Variants in LAMC2 observed in about 807,000 individuals in gnomAD.
The protein encoded by LAMC2 is laminin subunit gamma-2.
A neutral mutation model predicts 140.2 loss-of-function variants in LAMC2; 97 were observed. The observed-to-expected ratio is 0.69, with a 90% CI of 0.59 to 0.82. The LOEUF is 0.82. Among genes scored for constraint, LAMC2 ranks in the 40% least tolerant of loss-of-function variants. The pLI is 0.00. For missense variants in LAMC2, 1,402 were observed against 1,476.1 expected, an observed-to-expected ratio of 0.95 and a Z score of 0.82; for synonymous variants, 513 against 540.2, an observed-to-expected ratio of 0.95 and a Z score of 0.70.
At chr1:183,242,161 T>C (rs1660149908) in intron 22 of LAMC2, among the ~76,000 whole-genome samples, 1 of 152,224 alleles carries the variant, frequency 6.6e-6, no homozygotes, top group African/African-American at 2.4e-5. Flanking sequence ...TAGTAACTCA[T>C]GCCACCTTCC....
At chr1:183,190,193 C>G (rs779387455) in intron 1 of LAMC2, among the ~76,000 whole-genome samples, 1 of 152,156 alleles carries the variant, frequency 6.6e-6, no homozygotes, top group Non-Finnish European at 1.5e-5. Context: ...ATCGATATGA[C>G]CATTACACAA....
rs751705672 is a variant in LAMC2, at chr1:183,208,085, G to A, written c.268+16G>A. The A allele has an allele frequency of 1.7e-5, 28 of 1,607,460 alleles. No individual in the cohort carries two copies. The highest frequency in any genetic ancestry group is 3.3e-4 in the Middle Eastern group (2 of 6,000). On this transcript the variant is annotated intron_variant, in intron 2 of 22. Transcript: ENST00000264144. ...AACTCCAAAGGTAGCTGAAAAGGAC[G>A]GAAAGAGGGAGAGGGAGATGGAGCA... is the stretch of plus-strand genomic sequence containing the variant.
intron 11 of LAMC2, among the ~76,000 whole-genome samples, chr1:183,229,122 C>T (rs1203464785): frequency 6.6e-6 from 1 of 152,194 alleles, no homozygotes; most frequent in Non-Finnish European, 1.5e-5. Flanking sequence ...TTCAAAGCAG[C>T]AGCTATAGTG....
In LAMC2 at chr1:183,243,324, A is replaced by G. The variant is rs1334436789; in HGVS notation, c.3506A>G (p.Asp1169Gly). 27 of 1,614,192 alleles carry G rather than the reference A, an allele frequency of 1.7e-5. No homozygotes were observed. The East Asian group carries it at 4.0e-4, about 24-fold the overall frequency. Reference sequence around the variant, plus strand: ...ACAAGCATAGATGGGATTCTGGCTGATGTGAAGAACTTGGAGAACATTAGG... The same window carrying G: ...ACAAGCATAGATGGGATTCTGGCTGGTGTGAAGAACTTGGAGAACATTAGG... ...LETSIDGILA[D>G]VKNLENIRDN... The change falls in exon 23 of 23, where the codon GAT becomes GGT. Residue 1169 changes from aspartate to glycine, a missense_variant. By Grantham distance (94) the Asp-to-Gly change is moderately conservative. Transcript: ENST00000264144.
At chr1:183,252,827 C>G in the LAMC2 span, 3 of 974,566 alleles carry the variant, frequency 3.1e-6, no homozygotes, top group Non-Finnish European at 5.0e-6. Context: ...CTCCCCAGCA[C>G]CCCATTTGTA....
At position 183,225,653 on chromosome 1, in the gene LAMC2, C is replaced by T. The variant is rs751285244; in HGVS notation, c.999C>T (p.Tyr333=). ...PSNNWSPQLS[Y]FEYRRLLRNL... is the part of the protein sequence containing the mutation. ...ATAATTGGAGCCCCCAGCTGAGTTA[C>T]TTTGAGTATCGAAGGTTACTGCGGA... The change falls in exon 8 of 23, where the codon TAC becomes TAT. Residue 333 remains tyrosine (Y), a synonymous_variant. Coordinates refer to ENST00000264144, the MANE Select transcript of LAMC2 (RefSeq NM_005562.3). The T allele has an allele frequency of 1.3e-5, 21 of 1,613,960 alleles. No homozygotes were observed. The African/African-American group carries it at 1.9e-4, about 14-fold the overall frequency.
rs761706417 is a variant in LAMC2 at position 183,239,371 on chromosome 1, C to T, written c.2877C>T (p.Asp959=). 2 of 1,614,096 alleles carry T rather than the reference C, an allele frequency of 1.2e-6. No homozygotes were observed. Among genetic ancestry groups the T allele is most frequent in the Non-Finnish European group, 1.7e-6 (2 of 1,179,986 alleles). Residue 959 remains aspartate (D), a synonymous_variant, in exon 20 of 23, where the codon GAC becomes GAT. Transcript: ENST00000264144. ...ESILKNLREF[D]LQVDNRKAEA... ...TTCTTTTCTTCATTTCAGAGTTTGA[C>T]CTGCAGGTGGACAACAGAAAAGCAG...
the LAMC2 span, among the ~76,000 whole-genome samples, chr1:183,253,099 T>C: frequency 6.6e-6 from 1 of 152,062 alleles, no homozygotes; most frequent in Non-Finnish European, 1.5e-5. Context: ...AGACACACAG[T>C]GGGCATCTAA....
chr1:183,245,149 G>T (rs1288025666), downstream of LAMC2, among the ~76,000 whole-genome samples: 1 of 152,062 alleles, frequency 6.6e-6, no homozygotes, highest in Non-Finnish European at 1.5e-5. Context: ...CTAGCTGGGT[G>T]GGGGGGATAT....
intron 15 of LAMC2, 24 bp from the exon 16 acceptor site, chr1:183,235,551 T>C (rs1659927674): frequency 6.2e-7 from 1 of 1,613,936 alleles, no homozygotes; most frequent in South Asian, 1.1e-5. Context: ...AAAACTCTTA[T>C]TCTTTTGTTT....
chr1:183,249,387 G>C (rs1223868815), downstream of LAMC2: 1 of 152,156 alleles, frequency 6.6e-6, no homozygotes, highest in African/African-American at 2.4e-5. Context: ...AAATGGGAGA[G>C]ACATTTTTTG....
the LAMC2 span, chr1:183,252,425 C>T: frequency 3.7e-6 from 2 of 533,740 alleles, no homozygotes; most frequent in Non-Finnish European, 6.8e-6. Context: ...TTCCCTCACC[C>T]ACCCCCAACC....
chr1:183,190,360 C>T (rs376540027), intron 1 of LAMC2, among the ~76,000 whole-genome samples: 13 of 152,206 alleles, frequency 8.5e-5, no homozygotes, highest in African/African-American at 2.9e-4. Flanking sequence ...ACTCTCCTTT[C>T]GTCAGCCCAA....
In LAMC2 at chr1:183,189,689, G is replaced by T. The variant is rs528032781; in HGVS notation, c.79+3258G>T. On this transcript the variant is annotated intron_variant, in intron 1 of 22. Coordinates refer to ENST00000264144, the MANE Select transcript of LAMC2 (RefSeq NM_005562.3). ...GAGGAACGATGGAGCAGAATCAGGA[G>T]GAATGAGCACTGAGGATAGAGGAAA... Among the ~76,000 whole-genome samples, 4 of 152,274 alleles carry T rather than the reference G, an allele frequency of 2.6e-5. No individual in the cohort carries two copies. The East Asian group carries it at 7.7e-4, about 29-fold the overall frequency.
At chr1:183,204,211 A>G (rs1287767584) in intron 1 of LAMC2, among the ~76,000 whole-genome samples, 2 of 152,136 alleles carry the variant, frequency 1.3e-5, no homozygotes, top group Non-Finnish European at 2.9e-5. Context: ...AGATGGCTTG[A>G]GCCCGGGAGG....
chr1:183,221,998 C>T, intron 5 of LAMC2, 91 bp from the exon 6 acceptor site: 2 of 1,522,362 alleles, frequency 1.3e-6, no homozygotes, highest in Non-Finnish European at 1.8e-6. Flanking sequence ...CTACTCACCA[C>T]TAGGACTTGT....
chr1:183,206,381 C>G (rs927745938), intron 1 of LAMC2, among the ~76,000 whole-genome samples: 1 of 152,142 alleles, frequency 6.6e-6, no homozygotes, highest in Non-Finnish European at 1.5e-5. Flanking sequence ...CGGTGGCTCA[C>G]GCCTGTAATC....
chr1:183,232,479 C>T (rs1659829556), intron 13 of LAMC2, 136 bp downstream of exon 13: 2 of 1,127,352 alleles, frequency 1.8e-6, no homozygotes, highest in African/African-American at 1.5e-5. Flanking sequence ...AGTGGAAGGA[C>T]TGTCTGTGGC....
chr1:183,235,604 A>C lies in LAMC2; in HGVS notation c.2330A>C (p.Gln777Pro). 1 of 1,614,226 alleles carries C rather than the reference A, an allele frequency of 6.2e-7. No individual in the cohort carries two copies. Among genetic ancestry groups the C allele is most frequent in the South Asian group, 1.1e-5 (1 of 91,090 alleles). ...GTTGAGTCAGCCAGTAACATGGAGCAACTGACAAGGGAAACTGAGGACTAT... is the reference window on the plus strand; with the variant it reads ...GTTGAGTCAGCCAGTAACATGGAGCCACTGACAAGGGAAACTGAGGACTAT... Reference protein sequence around the residue: ...SHVESASNMEQLTRETEDYSK... With the variant: ...SHVESASNMEPLTRETEDYSK... Residue 777 changes from glutamine (Q) to proline (P), a missense_variant, in exon 16 of 23, where the codon CAA (glutamine) becomes CCA (proline). Transcript: ENST00000264144.
Sources: gnomAD v4.1 joint callset for allele counts (sites outside exome capture counted in the v4.1 genomes callset) on GRCh38, gnomAD v4.1.1 for gene constraint, MANE v1.5 for transcripts, NCBI Gene and HGNC (gene_info 2026-07-23, HGNC 2026-07-21) for gene names.